FRK: variants seen among roughly 807,000 people sequenced by gnomAD.
FRK encodes fyn related Src family tyrosine kinase, also known as tyrosine-protein kinase FRK.
In FRK, 51 loss-of-function variants were observed where a neutral mutation model predicts 56.4. The ratio of observed to expected loss-of-function variants is 0.90; its 90% CI spans 0.72 to 1.14. FRK has a LOEUF of 1.14. Ranked by LOEUF, FRK falls within the 50% of genes most tolerant of loss-of-function variation. The pLI, the probability that FRK is intolerant of heterozygous loss-of-function variation, is 0.00. For synonymous variants in FRK, 245 were observed against 217.9 expected (o/e 1.12, Z -1.10); for missense variants, 570 against 601.4 (o/e 0.95, Z 0.55).
chr6:115,943,013 T>G lies in FRK; in HGVS notation c.1306+7A>C, dbSNP rs180731108. 1 of 1,606,706 alleles carries G rather than the reference T, an allele frequency of 6.2e-7. No individual in the cohort carries two copies. Among genetic ancestry groups the G allele is most frequent in the African/African-American group, 1.3e-5 (1 of 74,552 alleles). ...CAGAAAGGTCCACTTCAGAATTAAT[T>G]ACTCACCACTGTAAGGCATTTTGCC... On this transcript the variant is annotated splice_region_variant and intron_variant, in intron 7 of 7. Coordinates refer to ENST00000606080, the MANE Select transcript of FRK (RefSeq NM_002031.3).
intron 1 of FRK, among the ~76,000 whole-genome samples, chr6:116,005,419 G>C (rs989146258): frequency 6.6e-6 from 1 of 152,104 alleles, no homozygotes; most frequent in Admixed American, 6.6e-5. Flanking sequence ...AAAATGTGGC[G>C]AATCGCAGGC....
the FRK span, among the ~76,000 whole-genome samples, chr6:116,087,399 G>A: frequency 6.6e-6 from 1 of 152,192 alleles, no homozygotes; most frequent in Non-Finnish European, 1.5e-5. Context: ...CTACAATATT[G>A]ATCAGCCCTG....
At chr6:116,100,665 C>A in the FRK span, among the ~76,000 whole-genome samples, 1 of 152,152 alleles carries the variant, frequency 6.6e-6, no homozygotes, top group Non-Finnish European at 1.5e-5. Context: ...GATCAGGAGT[C>A]GCCGGCATTG....
chr6:115,981,371 G>A (rs1212656800), intron 2 of FRK, among the ~76,000 whole-genome samples: 2 of 152,006 alleles, frequency 1.3e-5, no homozygotes, highest in Admixed American at 6.6e-5. Context: ...GAAGTACACC[G>A]TTAGTTGTTT....
intron 5 of FRK, among the ~76,000 whole-genome samples, chr6:115,955,881 T>C (rs1212030583): frequency 6.6e-6 from 1 of 152,244 alleles, no homozygotes; most frequent in Non-Finnish European, 1.5e-5. Flanking sequence ...AATTTCATAA[T>C]GCCCTTCAGT....
intron 1 of FRK, among the ~76,000 whole-genome samples, chr6:116,016,141 T>C (rs1005566822): frequency 2.0e-5 from 3 of 152,180 alleles, no homozygotes; most frequent in Middle Eastern, 3.4e-3. Context: ...CCATCACAGG[T>C]CCAGAGGCCT....
chr6:116,046,376 C>T (rs1193785859), intron 1 of FRK, among the ~76,000 whole-genome samples: 1 of 152,194 alleles, frequency 6.6e-6, no homozygotes, highest in Non-Finnish European at 1.5e-5. Flanking sequence ...GACTTGGAAC[C>T]AACCCAAATG....
intron 4 of FRK, among the ~76,000 whole-genome samples, chr6:115,963,072 C>T (rs1480467610): frequency 3.4e-5 from 2 of 59,610 alleles, no homozygotes; most frequent in African/African-American, 5.3e-5. Flanking sequence ...GAGATAGAGA[C>T]ACAAAAAAAC....
At chr6:116,015,718 G>A (rs1474547741) in intron 1 of FRK, among the ~76,000 whole-genome samples, 1 of 152,170 alleles carries the variant, frequency 6.6e-6, no homozygotes, top group South Asian at 2.1e-4. Context: ...GGGAACTGGA[G>A]TAAAGGTCAC....
intron 5 of FRK, among the ~76,000 whole-genome samples, chr6:115,949,183 G>C (rs1327482706): frequency 6.6e-6 from 1 of 152,058 alleles, no homozygotes; most frequent in African/African-American, 2.4e-5. Flanking sequence ...GGAGTTTTTG[G>C]GCTGAGACAA....
At chr6:116,007,427 C>G (rs1775284617) in intron 1 of FRK, among the ~76,000 whole-genome samples, 1 of 152,158 alleles carries the variant, frequency 6.6e-6, no homozygotes, top group Non-Finnish European at 1.5e-5. Context: ...ATGGTTGAGT[C>G]TGAAATTGAG....
rs758429697 is a variant in FRK, at chr6:116,060,205, C to A, written c.107G>T (p.Cys36Phe). Reference sequence around the variant, plus strand: ...GCCATGCCTCTGTGACTGGGGAGAGCAAAGGGCCCCTGGATTTTCAATCAC... The same window carrying A: ...GCCATGCCTCTGTGACTGGGGAGAGAAAAGGGCCCCTGGATTTTCAATCAC... ...STVIENPGAL[C>F]SPQSQRHGHY... Residue 36 changes from cysteine (C) to phenylalanine (F), a missense_variant, in exon 1 of 8, where the codon TGC becomes TTC. Cys to Phe is a radical substitution (Grantham distance 205, BLOSUM62 -2). Transcript: ENST00000606080. 6.8e-6 allele frequency: 11 copies of A among 1,614,152 alleles called. No individual in the cohort carries two copies. The highest frequency in any genetic ancestry group is 9.3e-6 in the Non-Finnish European group (11 of 1,180,034).
At chr6:116,039,574 C>A in intron 1 of FRK, 1 of 832,882 alleles carries the variant, frequency 1.2e-6, no homozygotes, top group Non-Finnish European at 2.1e-6. Flanking sequence ...CCCTCCCCTG[C>A]ACATGTTTCT....
chr6:116,008,353 A>G (rs535776243), intron 1 of FRK, among the ~76,000 whole-genome samples: 41 of 152,344 alleles, frequency 2.7e-4, no homozygotes, highest in Admixed American at 1.9e-3. Flanking sequence ...ACTAGAATTG[A>G]ATCCATAGTA....
the FRK span, among the ~76,000 whole-genome samples, chr6:116,089,476 C>T: frequency 6.6e-6 from 1 of 152,160 alleles, no homozygotes; most frequent in African/African-American, 2.4e-5. Context: ...GATTGGGTGG[C>T]TTGAATAACG....
chr6:115,974,284 A>C (rs1773914808), intron 2 of FRK, among the ~76,000 whole-genome samples: 1 of 152,228 alleles, frequency 6.6e-6, no homozygotes, highest in Admixed American at 6.5e-5. Flanking sequence ...AATAGATGGC[A>C]GAGGGGTTAA....
At chr6:116,069,457 C>T in the FRK span, among the ~76,000 whole-genome samples, 14 of 152,000 alleles carry the variant, frequency 9.2e-5, no homozygotes, top group African/African-American at 3.4e-4. Flanking sequence ...TTCAATATTA[C>T]TGTGAAAAAA....
At chr6:116,005,305 C>T (rs1401778747) in intron 1 of FRK, among the ~76,000 whole-genome samples, 1 of 152,134 alleles carries the variant, frequency 6.6e-6, no homozygotes, top group Non-Finnish European at 1.5e-5. Flanking sequence ...CACTCAGCTC[C>T]AGGTCTATTA....
the FRK span, among the ~76,000 whole-genome samples, chr6:116,073,004 A>T: frequency 6.6e-6 from 1 of 152,178 alleles, no homozygotes; most frequent in Non-Finnish European, 1.5e-5. Context: ...AAAATTTTTT[A>T]TGTGTATGTG....
Sources: gnomAD v4.1 joint callset for allele counts (sites outside exome capture counted in the v4.1 genomes callset) on GRCh38, gnomAD v4.1.1 for gene constraint, MANE v1.5 for transcripts, NCBI Gene and HGNC (gene_info 2026-07-23, HGNC 2026-07-21) for gene names.